TENM2: variants seen among roughly 807,000 people sequenced by gnomAD.
TENM2 encodes the protein teneurin transmembrane protein 2, also known as teneurin-2.
TENM2 carries 52 observed loss-of-function variants against 245.2 expected under a neutral mutation model. The observed-to-expected ratio is 0.21, with a 90% CI of 0.17 to 0.27. TENM2 has a LOEUF of 0.27. TENM2 is among the 10% of genes least tolerant of loss of function. TENM2 has a pLI of 1.00. For synonymous variants in TENM2, 1,363 were observed against 1,438.9 expected (o/e 0.95, Z 1.19); for missense variants, 3,046 against 3,666.8 (o/e 0.83, Z 4.37).
intron 5 of TENM2, among the ~76,000 whole-genome samples, chr5:168,012,199 C>T (rs1785270472): frequency 6.6e-6 from 1 of 152,188 alleles, no homozygotes; most frequent in Non-Finnish European, 1.5e-5. Flanking sequence ...CATCCAAAGA[C>T]TGGTCAGCTC....
intron 1 of TENM2, among the ~76,000 whole-genome samples, chr5:167,371,934 GGT>G (rs1760463413): frequency 6.6e-6 from 1 of 152,000 alleles, no homozygotes; most frequent in South Asian, 2.1e-4. Flanking sequence ...GAAAAAGCTT[GGT>G]CCAGAACCTG....
chr5:167,203,659 T>C, the TENM2 span, among the ~76,000 whole-genome samples: 1 of 152,228 alleles, frequency 6.6e-6, no homozygotes, highest in African/African-American at 2.4e-5. Flanking sequence ...TTTCTTTTCA[T>C]GGAGCTCTCT....
chr5:167,472,291 G>GT, intron 2 of TENM2, among the ~76,000 whole-genome samples: 1 of 152,184 alleles, frequency 6.6e-6, no homozygotes, highest in Non-Finnish European at 1.5e-5. Flanking sequence ...ACCAAGTTAA[G>GT]TTTCCCTTTT....
intron 2 of TENM2, among the ~76,000 whole-genome samples, chr5:167,803,614 A>G (rs1416752574): frequency 1.3e-5 from 2 of 152,050 alleles, no homozygotes; most frequent in Non-Finnish European, 2.9e-5. Context: ...TGTGGGAGTA[A>G]TATTACTATG....
At chr5:167,214,790 C>T in the TENM2 span, among the ~76,000 whole-genome samples, 1 of 152,294 alleles carries the variant, frequency 6.6e-6, no homozygotes, top group Non-Finnish European at 1.5e-5. Flanking sequence ...CTGCAGTTGA[C>T]TTAGCAGCAG....
intron 27 of TENM2, among the ~76,000 whole-genome samples, chr5:168,249,685 A>G (rs139635233): frequency 1.3e-5 from 2 of 152,146 alleles, no homozygotes; most frequent in African/African-American, 4.8e-5. Context: ...CTTCTCTGTG[A>G]TAAGTGAGAA....
rs70976468 is a variant in TENM2, at chr5:168,219,824, C to CAAAAAAAAAAAA, written c.5108+839_5108+850dup. On this transcript the variant is annotated intron_variant, in intron 23 of 28. Coordinates refer to ENST00000518659, the Ensembl canonical transcript of TENM2. ...GTTAAGTTAGGGAGAGTTGGCACAG[C>CAAAAAAAAAAAA]AAAAAAAAAAAAAAAAAAAAAAAAA... Among the ~76,000 whole-genome samples the CAAAAAAAAAAAA allele has an allele frequency of 1.3e-3, 67 of 49,810 alleles. 8 individuals carry two copies. Among genetic ancestry groups the CAAAAAAAAAAAA allele is most frequent in the African/African-American group, 5.4e-3 (60 of 11,102 alleles). The allele number at this position is 49,810 out of a possible 152,430, so 32.7% of individuals were successfully genotyped here. A position where few individuals can be genotyped will look rare whatever the true frequency, so the allele number is the denominator to read the frequency against.
intron 2 of TENM2, among the ~76,000 whole-genome samples, chr5:167,855,985 T>C (rs1187846765): frequency 6.6e-6 from 1 of 151,376 alleles, no homozygotes; most frequent in Non-Finnish European, 1.5e-5. Flanking sequence ...AAGGGAGGGA[T>C]TGTTCAAGAA....
chr5:168,102,307 A>T (rs1793886131), intron 9 of TENM2, among the ~76,000 whole-genome samples: 1 of 152,160 alleles, frequency 6.6e-6, no homozygotes, highest in Non-Finnish European at 1.5e-5. Flanking sequence ...TCCCGACCTC[A>T]GGTGATCCAC....
chr5:167,722,646 C>T (rs559521332), intron 2 of TENM2, among the ~76,000 whole-genome samples: 4 of 152,116 alleles, frequency 2.6e-5, no homozygotes, highest in East Asian at 3.9e-4. Context: ...TGGAGGTGCA[C>T]GCCTGTAGTC....
At chr5:167,302,445 C>G (rs1239415964) in intron 1 of TENM2, among the ~76,000 whole-genome samples, 1 of 148,194 alleles carries the variant, frequency 6.7e-6, no homozygotes, top group East Asian at 2.0e-4. Context: ...TTTGGGGGTT[C>G]TTACCCTCCA....
At chr5:168,208,651 G>C (rs1467627758) in intron 19 of TENM2, among the ~76,000 whole-genome samples, 1 of 152,128 alleles carries the variant, frequency 6.6e-6, no homozygotes, top group Admixed American at 6.5e-5. Context: ...TTGAAAATGG[G>C]GGTCAGGAAA....
At chr5:168,248,342 G>T (rs1384040207) in exon 27 of TENM2, 1 of 1,613,564 alleles carries the variant, frequency 6.2e-7, no homozygotes, top group East Asian at 2.2e-5. Context: ...CCTCTCAGCA[G>T]TGAGCTAGAT....
At chr5:167,706,205 TTATA>T (rs1321939216) in intron 2 of TENM2, among the ~76,000 whole-genome samples, 2 of 146,036 alleles carry the variant, frequency 1.4e-5, no homozygotes, top group African/African-American at 5.0e-5. Flanking sequence ...TACTATATAA[TTATA>T]TAGTATGTAA....
chr5:167,099,943 T>G, the TENM2 span, among the ~76,000 whole-genome samples: 1 of 152,190 alleles, frequency 6.6e-6, no homozygotes, highest in Non-Finnish European at 1.5e-5. Flanking sequence ...ACTGCAGTAC[T>G]TTTCATGGGC....
chr5:167,465,994 A>G (rs549903323), intron 2 of TENM2, among the ~76,000 whole-genome samples: 4 of 152,230 alleles, frequency 2.6e-5, no homozygotes, highest in African/African-American at 9.6e-5. Flanking sequence ...TACTGACCCA[A>G]ATGTAATCTT....
chr5:167,971,785 C>G (rs922799971), intron 4 of TENM2, among the ~76,000 whole-genome samples: 1 of 152,170 alleles, frequency 6.6e-6, no homozygotes, highest in African/African-American at 2.4e-5. Context: ...AAGGGGTCAT[C>G]ATTTGGCTGC....
chr5:168,141,592 C>A (rs1755555038), intron 12 of TENM2, among the ~76,000 whole-genome samples: 1 of 152,170 alleles, frequency 6.6e-6, no homozygotes, highest in Non-Finnish European at 1.5e-5. Flanking sequence ...CTAATTGGAA[C>A]AAGGAATTGA....
intron 2 of TENM2, among the ~76,000 whole-genome samples, chr5:167,856,520 T>C (rs1195743292): frequency 6.6e-6 from 1 of 152,132 alleles, no homozygotes; most frequent in East Asian, 1.9e-4. Context: ...TAAAGTTAAG[T>C]CCTCTAAGGA....
Sources: allele counts gnomAD v4.1 joint callset (sites outside exome capture counted in the v4.1 genomes callset), GRCh38; gene constraint gnomAD v4.1.1; transcripts MANE v1.5; gene names NCBI Gene and HGNC (gene_info 2026-07-23, HGNC 2026-07-21).